The following ZBTB20 variants were observed in gnomAD, a reference collection of about 807,000 sequenced individuals.
The protein encoded by ZBTB20 is zinc finger and BTB domain-containing protein 20.
A neutral mutation model predicts 56.9 loss-of-function variants in ZBTB20; 9 were observed. That is an observed-to-expected ratio of 0.16 (90% confidence interval 0.10 to 0.28). The LOEUF is 0.28. ZBTB20 is among the 10% of genes least tolerant of loss of function. ZBTB20 has a pLI of 1.00. For synonymous variants in ZBTB20, 417 were observed against 420.7 expected, an observed-to-expected ratio of 0.99 and a Z score of 0.11; for missense variants, 655 against 1,003.0, an observed-to-expected ratio of 0.65 and a Z score of 4.69.
chr3:114,936,314 T>C (rs1017044918), intron 3 of ZBTB20, among the ~76,000 whole-genome samples: 4 of 152,130 alleles, frequency 2.6e-5, no homozygotes, highest in East Asian at 3.9e-4. Flanking sequence ...GCAATATAAT[T>C]ACAGAAATGT....
At chr3:115,057,195 T>C (rs2081831453) in intron 2 of ZBTB20, among the ~76,000 whole-genome samples, 2 of 152,176 alleles carry the variant, frequency 1.3e-5, no homozygotes, top group African/African-American at 2.4e-5. Flanking sequence ...TTGCATTTAT[T>C]GATATAAGAA....
chr3:115,122,677 T>C (rs527951111), intron 1 of ZBTB20, among the ~76,000 whole-genome samples: 1 of 152,242 alleles, frequency 6.6e-6, no homozygotes, highest in Admixed American at 6.5e-5. Flanking sequence ...AGACTTTCTA[T>C]ATATTAATCC....
intron 7 of ZBTB20, among the ~76,000 whole-genome samples, chr3:114,398,676 A>G (rs2086548682): frequency 6.6e-6 from 1 of 152,230 alleles, no homozygotes. Flanking sequence ...GAATATACCA[A>G]TGGTAAAATT....
At chr3:114,787,974 C>T (rs900062693) in intron 5 of ZBTB20, among the ~76,000 whole-genome samples, 6 of 152,098 alleles carry the variant, frequency 3.9e-5, no homozygotes, top group African/African-American at 1.4e-4. Context: ...TCATTACAGT[C>T]ATTACTGCCT....
rs186963484 is a variant in ZBTB20 at position 114,791,136 on chromosome 3, G to A, written c.-343+9965C>T. ...TTTTCTGCATGTGTCATTAAGATAG[G>A]AGAAAGTGTCCCCTACAGATAAGGA... On this transcript the variant is annotated intron_variant, in intron 5 of 11. Transcript: ENST00000675478. Among the ~76,000 whole-genome samples the A allele has an allele frequency of 3.7e-4, 56 of 152,144 alleles. 1 individual carries two copies. Among genetic ancestry groups the A allele is most frequent in the African/African-American group, 1.3e-3 (52 of 41,516 alleles).
intron 1 of ZBTB20, among the ~76,000 whole-genome samples, chr3:115,082,333 A>C (rs1372738426): frequency 1.3e-5 from 2 of 152,210 alleles, no homozygotes; most frequent in African/African-American, 2.4e-5. Flanking sequence ...AGCACATTAA[A>C]ATCTTATTAA....
intron 2 of ZBTB20, among the ~76,000 whole-genome samples, chr3:115,031,380 T>C (rs2080671915): frequency 6.6e-6 from 1 of 151,520 alleles, no homozygotes; most frequent in South Asian, 2.1e-4. Context: ...GAACTTATGA[T>C]GTTTTTTATT....
intron 6 of ZBTB20, among the ~76,000 whole-genome samples, chr3:114,572,889 G>A (rs1451336206): frequency 2.6e-5 from 4 of 152,136 alleles, no homozygotes; most frequent in Non-Finnish European, 5.9e-5. Flanking sequence ...TTCTTGAAAT[G>A]AGTGCCTAAT....
chr3:114,908,980 A>T (rs979959242), intron 3 of ZBTB20, among the ~76,000 whole-genome samples: 2 of 152,010 alleles, frequency 1.3e-5, no homozygotes, highest in Admixed American at 1.3e-4. Context: ...AGTATTTAAG[A>T]ATGAAAAAAA....
Position 114,330,892 on chromosome 3 carries a change from A to G in ZBTB20, c.*8113T>C, listed in dbSNP as rs971830688. ...TATACTAGAGTGGCATTCTACTTCA[A>G]TGCTTGAGATGGGCAAGAGCAATCA... On this transcript the variant is annotated 3_prime_UTR_variant, in exon 12 of 12. Coordinates refer to ENST00000675478, the MANE Select transcript of ZBTB20 (RefSeq NM_001348800.3). 1.3e-5 allele frequency: 2 copies of G among 152,216 alleles called. No individual in the cohort carries two copies. The highest frequency in any genetic ancestry group is 2.1e-4 in the South Asian group (1 of 4,834). The allele number at this position is 152,216 out of a possible 1,614,324, so 9.4% of individuals were successfully genotyped here.
At chr3:114,771,258 ATAG>A (rs2069170104) in intron 5 of ZBTB20, among the ~76,000 whole-genome samples, 1 of 152,218 alleles carries the variant, frequency 6.6e-6, no homozygotes, top group Non-Finnish European at 1.5e-5. Flanking sequence ...CATGAATAAC[ATAG>A]TAGAACATAC....
intron 6 of ZBTB20, among the ~76,000 whole-genome samples, chr3:114,650,298 A>T (rs1255641690): frequency 1.3e-5 from 2 of 151,950 alleles, no homozygotes; most frequent in African/African-American, 4.8e-5. Flanking sequence ...ATAAAAACTT[A>T]AAAAATTGAA....
intron 1 of ZBTB20, among the ~76,000 whole-genome samples, chr3:115,132,199 T>C (rs934873427): frequency 6.6e-6 from 1 of 152,236 alleles, no homozygotes; most frequent in African/African-American, 2.4e-5. Flanking sequence ...TCCTGTTTTA[T>C]GCATTTTAAT....
In ZBTB20 at chr3:115,010,068, G is replaced by A. The variant is rs568314283; in HGVS notation, c.-506-35652C>T. On this transcript the variant is annotated intron_variant, in intron 2 of 11. Transcript: ENST00000675478. The stretch of plus-strand genomic sequence containing the variant: ...TCCTTTCCTACTTTTGTCCCACTAA[G>A]CAAAAAACAAAACAATGAGCATTGA... Among the ~76,000 whole-genome samples, 6 of 151,924 alleles carry A rather than the reference G, an allele frequency of 3.9e-5. No homozygotes were observed. In the South Asian group the frequency reaches 1.2e-3, roughly 32 times the overall value.
intron 2 of ZBTB20, among the ~76,000 whole-genome samples, chr3:114,994,868 C>G (rs2078962326): frequency 1.3e-5 from 2 of 151,848 alleles, no homozygotes; most frequent in South Asian, 4.1e-4. Context: ...TAGTGTCTGA[C>G]CTGGTGTCTG....
rs116203761 is a variant in ZBTB20, at chr3:114,463,960, C to T, written c.-255+36392G>A. ...AACATAAGTCATTAATATAATTGTG[C>T]GAAGAATATCTCTGAATATATTGAA... is the stretch of plus-strand genomic sequence containing the variant. On this transcript the variant is annotated intron_variant, in intron 7 of 11. Transcript: ENST00000675478. Among the ~76,000 whole-genome samples, 458 of 152,194 alleles carry T rather than the reference C, an allele frequency of 3.0e-3. 2 individuals carry two copies. Among genetic ancestry groups the T allele is most frequent in the African/African-American group, 0.01 (434 of 41,512 alleles).
intron 4 of ZBTB20, among the ~76,000 whole-genome samples, chr3:114,820,900 A>AT (rs1324409473): frequency 6.6e-6 from 1 of 152,112 alleles, no homozygotes; most frequent in African/African-American, 2.4e-5. Context: ...ATTTACCTAC[A>AT]TTGCTAATAT....
intron 4 of ZBTB20, among the ~76,000 whole-genome samples, chr3:114,850,232 A>G (rs566507678): frequency 6.6e-6 from 1 of 152,270 alleles, no homozygotes; most frequent in East Asian, 1.9e-4. Flanking sequence ...AACATCCTGT[A>G]TATAGCAACA....
intron 3 of ZBTB20, among the ~76,000 whole-genome samples, chr3:114,970,312 G>C (rs886351694): frequency 6.6e-6 from 1 of 152,160 alleles, no homozygotes; most frequent in Non-Finnish European, 1.5e-5. Context: ...AAAAAGAACT[G>C]TGTTAATTTA....
Sources: allele counts gnomAD v4.1 joint callset (sites outside exome capture counted in the v4.1 genomes callset), GRCh38; gene constraint gnomAD v4.1.1; transcripts MANE v1.5; gene names NCBI Gene and HGNC (gene_info 2026-07-23, HGNC 2026-07-21).